The following DPYD variants were observed in gnomAD, a reference collection of about 807,000 sequenced individuals.
DPYD encodes dihydropyrimidine dehydrogenase [NADP(+)].
Under a neutral mutation model 116.2 loss-of-function variants are expected in DPYD, and 109 were observed. That is an observed-to-expected ratio of 0.94 (90% CI 0.80 to 1.10). The LOEUF is 1.10. Ranked by LOEUF, DPYD falls within the 50% of genes least tolerant of loss-of-function variation. DPYD has a pLI of 0.00. For missense variants in DPYD, 1,302 were observed against 1,254.5 expected (o/e 1.04, Z -0.57); for synonymous variants, 440 against 432.0 (o/e 1.02, Z -0.23).
intron 20 of DPYD, among the ~76,000 whole-genome samples, chr1:97,123,405 C>A (rs971297958): frequency 7.9e-5 from 12 of 152,032 alleles, no homozygotes; most frequent in African/African-American, 2.9e-4. Context: ...ATTATGCTAT[C>A]AAATAAATAT....
At chr1:97,461,170 T>G (rs1677009592) in intron 13 of DPYD, among the ~76,000 whole-genome samples, 1 of 152,164 alleles carries the variant, frequency 6.6e-6, no homozygotes, top group African/African-American at 2.4e-5. Flanking sequence ...ACCCTTCTAT[T>G]GCTTGTGCTG....
chr1:97,429,642 A>G lies in DPYD; in HGVS notation c.1905+20417T>C, dbSNP rs112838792. ...ACATTTGTAAAGTAAGGATAATGAT[A>G]CCTCCTGTCTAAAATTGTGCTGAGA... On this transcript the variant is annotated intron_variant, in intron 14 of 22. Coordinates refer to ENST00000370192, the MANE Select transcript of DPYD (RefSeq NM_000110.4). Among the ~76,000 whole-genome samples the G allele has an allele frequency of 6.1e-3, 924 of 152,144 alleles. 8 individuals carry two copies. Among genetic ancestry groups the G allele is most frequent in the Non-Finnish European group, 7.8e-3 (529 of 67,968 alleles).
At chr1:97,724,465 T>C (rs1023789016) in intron 4 of DPYD, among the ~76,000 whole-genome samples, 2 of 151,496 alleles carry the variant, frequency 1.3e-5, no homozygotes, top group Non-Finnish European at 3.0e-5. Context: ...AGAGCCAATG[T>C]TTTAGTTCAA....
intron 4 of DPYD, among the ~76,000 whole-genome samples, chr1:97,723,917 T>C (rs1038767458): frequency 4.0e-5 from 6 of 151,652 alleles, no homozygotes; most frequent in Non-Finnish European, 7.4e-5. Context: ...ATAAAACATA[T>C]AATAACAATT....
chr1:97,669,138 A>G (rs78070973), intron 8 of DPYD, among the ~76,000 whole-genome samples: 1,553 of 152,292 alleles, frequency 0.01, 24 homozygotes, highest in African/African-American at 0.035. Flanking sequence ...TGTTCTTTCC[A>G]TCTGCACACC....
At chr1:97,760,062 G>A (rs1439001030) in intron 3 of DPYD, among the ~76,000 whole-genome samples, 1 of 152,144 alleles carries the variant, frequency 6.6e-6, no homozygotes, top group Non-Finnish European at 1.5e-5. Flanking sequence ...AACGGAAGGA[G>A]GTGTTTTGGT....
In DPYD at chr1:97,414,936, T is replaced by A. The variant is rs549785917; in HGVS notation, c.1906-32475A>T. 5.9e-5 allele frequency among the ~76,000 whole-genome samples: 9 copies of A among 152,332 alleles called. No individual in the cohort carries two copies. The East Asian group carries it at 1.7e-3, about 29-fold the overall frequency. On this transcript the variant is annotated intron_variant, in intron 14 of 22. Transcript: ENST00000370192. ...ACTGCAAATAATCTTCATTAGACTATCTCATTCTTTTTTTAAAAAACTCAT... is the reference window on the plus strand; with the variant it reads ...ACTGCAAATAATCTTCATTAGACTAACTCATTCTTTTTTTAAAAAACTCAT...
intron 8 of DPYD, among the ~76,000 whole-genome samples, chr1:97,605,484 G>T (rs1249173691): frequency 6.6e-6 from 1 of 151,978 alleles, no homozygotes; most frequent in Non-Finnish European, 1.5e-5. Context: ...TGAGTAAGGT[G>T]CTTGCTTCTC....
chr1:97,836,680 G>A (rs527847623), intron 2 of DPYD, among the ~76,000 whole-genome samples: 4 of 152,122 alleles, frequency 2.6e-5, no homozygotes, highest in Admixed American at 2.6e-4. Context: ...GAGTGGGTCA[G>A]TTCAAACAGA....
intron 8 of DPYD, among the ~76,000 whole-genome samples, chr1:97,640,079 C>T (rs1657799789): frequency 6.6e-6 from 1 of 152,104 alleles, no homozygotes. Flanking sequence ...TCTGTCTAGT[C>T]TTCATATATA....
intron 3 of DPYD, among the ~76,000 whole-genome samples, chr1:97,788,579 T>G (rs1275781691): frequency 6.6e-6 from 1 of 152,174 alleles, no homozygotes; most frequent in African/African-American, 2.4e-5. Context: ...AATTATAAGT[T>G]GTTATTGCAT....
chr1:97,406,419 A>G (rs1673661253), intron 14 of DPYD, among the ~76,000 whole-genome samples: 1 of 149,876 alleles, frequency 6.7e-6, no homozygotes, highest in African/African-American at 2.5e-5. Context: ...TATTTTTATT[A>G]TACTTTAAGT....
At chr1:97,360,689 T>C (rs1028709873) in intron 16 of DPYD, among the ~76,000 whole-genome samples, 4 of 152,188 alleles carry the variant, frequency 2.6e-5, no homozygotes, top group African/African-American at 4.8e-5. Context: ...CTGAACAACA[T>C]GCTCCTGAAC....
intron 2 of DPYD, among the ~76,000 whole-genome samples, chr1:97,878,375 C>G (rs950232111): frequency 3.9e-5 from 6 of 151,928 alleles, no homozygotes; most frequent in Non-Finnish European, 1.5e-5. Context: ...CTGGGTAACT[C>G]TCCCCCTAGG....
chr1:97,268,131 GAAT>G (rs1228016985), intron 18 of DPYD, among the ~76,000 whole-genome samples: 3 of 152,180 alleles, frequency 2.0e-5, no homozygotes, highest in African/African-American at 7.2e-5. Flanking sequence ...TAAAGCTAGA[GAAT>G]AATATGTTTT....
intron 14 of DPYD, among the ~76,000 whole-genome samples, chr1:97,449,648 G>A (rs1676291513): frequency 6.6e-6 from 1 of 152,086 alleles, no homozygotes; most frequent in Admixed American, 6.5e-5. Flanking sequence ...ATTTCCCACT[G>A]AAAAAATATA....
chr1:97,732,786 T>C (rs1663702371), intron 4 of DPYD, among the ~76,000 whole-genome samples: 1 of 152,076 alleles, frequency 6.6e-6, no homozygotes. Flanking sequence ...ACATTAGTAA[T>C]AAATGAATGA....
intron 2 of DPYD, among the ~76,000 whole-genome samples, chr1:97,848,183 C>T (rs1418395841): frequency 2.0e-5 from 3 of 152,128 alleles, no homozygotes; most frequent in Non-Finnish European, 2.9e-5. Context: ...CTGCAAGCTC[C>T]GCCTCCCGGG....
chr1:97,787,188 CATCTT>C (rs1159307687), intron 3 of DPYD, among the ~76,000 whole-genome samples: 2 of 152,178 alleles, frequency 1.3e-5, no homozygotes, highest in African/African-American at 4.8e-5. Context: ...TAAAGCCTCT[CATCTT>C]GTTTCACAGA....
Sources: gnomAD v4.1 joint callset for allele counts (sites outside exome capture counted in the v4.1 genomes callset) on GRCh38, gnomAD v4.1.1 for gene constraint, MANE v1.5 for transcripts, NCBI Gene and HGNC (gene_info 2026-07-23, HGNC 2026-07-21) for gene names.